Variants in BMP8B observed in about 807,000 individuals in gnomAD.
BMP8B encodes bone morphogenetic protein 8 (osteogenic protein 2).
A neutral mutation model predicts 30.3 loss-of-function variants in BMP8B; 17 were observed. The ratio of observed to expected loss-of-function variants is 0.56; its 90% CI spans 0.38 to 0.84. BMP8B has a LOEUF of 0.84. BMP8B is among the 40% of genes least tolerant of loss of function. The pLI is 0.00. For synonymous variants in BMP8B, 131 were observed against 214.7 expected, an observed-to-expected ratio of 0.61 and a Z score of 3.41; for missense variants, 253 against 494.6, an observed-to-expected ratio of 0.51 and a Z score of 4.63.
intron 1 of BMP8B, among the ~76,000 whole-genome samples, chr1:39,782,972 T>C (rs954940817): frequency 2.0e-5 from 3 of 151,974 alleles, no homozygotes; most frequent in Non-Finnish European, 4.4e-5. Flanking sequence ...TTTTTTTGCA[T>C]TTTTAGTAGA....
Position 39,788,017 on chromosome 1 carries a change from G to A in BMP8B, c.334+135C>T, listed in dbSNP as rs1651111047. 7.6e-7 allele frequency: 1 copy of A among 1,322,934 alleles called. No individual in the cohort carries two copies. The allele number at this position is 1,322,934 out of a possible 1,614,324, so 81.9% of individuals were successfully genotyped here. ...CCTTAGACCTTCCCTAACCACGGCG[G>A]TCCCACTCCCCTGTGGTTCGCGTCC... is the stretch of plus-strand genomic sequence containing the variant. On this transcript the variant is annotated intron_variant, in intron 1 of 6. Coordinates refer to ENST00000372827, the MANE Select transcript of BMP8B (RefSeq NM_001720.5). The surrounding 1 kb of genome is among the most constrained non-coding windows in gnomAD (Gnocchi z 5.8).
intron 3 of BMP8B, chr1:39,769,883 G>A: frequency 6.2e-7 from 1 of 1,609,006 alleles, no homozygotes; most frequent in Non-Finnish European, 8.5e-7. Context: ...CCGCTTCCCG[G>A]TCAGCGGCAT....
chr1:39,761,880 G>A (rs751977367), intron 6 of BMP8B, among the ~76,000 whole-genome samples: 4 of 152,248 alleles, frequency 2.6e-5, no homozygotes, highest in Admixed American at 6.5e-5. Flanking sequence ...CCCCTAGAGC[G>A]CAGCGCCTGT....
rs1328938623 is a variant in BMP8B at position 39,757,375 on chromosome 1, G to A, written c.*3044C>T. On this transcript the variant is annotated 3_prime_UTR_variant, in exon 7 of 7. Transcript: ENST00000372827. ...AATATCATACTCTACAAAGGAAGAA[G>A]CAGAACCAGGATTCAAATCTATTTG... 2.6e-5 allele frequency: 4 copies of A among 152,236 alleles called. No homozygotes were observed. The highest frequency in any genetic ancestry group is 9.6e-5 in the African/African-American group (4 of 41,466). The allele number at this position is 152,236 out of a possible 1,614,324, so 9.4% of individuals were successfully genotyped here.
At chr1:39,761,609 C>T (rs1648990344) in intron 6 of BMP8B, among the ~76,000 whole-genome samples, 1 of 152,146 alleles carries the variant, frequency 6.6e-6, no homozygotes, top group African/African-American at 2.4e-5. Flanking sequence ...TGTCACCTCC[C>T]TCCGCCCTCC....
intron 6 of BMP8B, among the ~76,000 whole-genome samples, chr1:39,760,961 C>G (rs1025271562): frequency 1.3e-5 from 2 of 152,046 alleles, no homozygotes; most frequent in African/African-American, 2.4e-5. Context: ...TTTGGCCCTT[C>G]GGACCCCCAG....
Position 39,788,659 on chromosome 1 carries a change from G to T in BMP8B, c.-174C>A. On this transcript the variant is annotated 5_prime_UTR_variant, in exon 1 of 7. Coordinates refer to ENST00000372827, the MANE Select transcript of BMP8B (RefSeq NM_001720.5). The surrounding 1 kb of genome is among the most constrained non-coding windows in gnomAD (Gnocchi z 5.8). ...CCTCAGCGCGGTCCCTGGAGCGCCC[G>T]CCGCGCGACACCTGTCCTGGCTCCT... 1 of 474,100 alleles carries T rather than the reference G, an allele frequency of 2.1e-6. No individual in the cohort carries two copies. Among genetic ancestry groups the T allele is most frequent in the Non-Finnish European group, 2.8e-6 (1 of 363,242 alleles). 29.4% of individuals were successfully genotyped at this position (474,100 alleles called of 1,614,324 possible). A position where few individuals can be genotyped will look rare whatever the true frequency, so the allele number is the denominator to read the frequency against.
chr1:39,757,293 A>G lies in BMP8B; in HGVS notation c.*3126T>C, dbSNP rs1648385261. The stretch of plus-strand genomic sequence containing the variant: ...ATTGTTAAGCATTTATATGTCAGAC[A>G]TCCCAAAGATTTGTGTACATATTTA... On this transcript the variant is annotated 3_prime_UTR_variant, in exon 7 of 7. Coordinates refer to ENST00000372827, the MANE Select transcript of BMP8B (RefSeq NM_001720.5). 6.6e-6 allele frequency: 1 copy of G among 152,270 alleles called. No individual in the cohort carries two copies. The highest frequency in any genetic ancestry group is 2.1e-4 in the South Asian group (1 of 4,838). 9.4% of individuals were successfully genotyped at this position (152,270 alleles called of 1,614,324 possible).
intron 3 of BMP8B, among the ~76,000 whole-genome samples, chr1:39,771,730 G>A (rs1423722802): frequency 6.8e-6 from 1 of 147,580 alleles, no homozygotes; most frequent in African/African-American, 2.5e-5. Flanking sequence ...GTGACAACCC[G>A]GAGAGTGAGT....
chr1:39,760,280 A>G lies in BMP8B; in HGVS notation c.*139T>C. The G allele has an allele frequency of 3.0e-6, 4 of 1,349,864 alleles. No homozygotes were observed. Among genetic ancestry groups the G allele is most frequent in the Non-Finnish European group, 4.0e-6 (4 of 1,001,732 alleles). The allele number at this position is 1,349,864 out of a possible 1,614,324, so 83.6% of individuals were successfully genotyped here. On this transcript the variant is annotated 3_prime_UTR_variant, in exon 7 of 7. Transcript: ENST00000372827. Reference sequence around the variant, plus strand: ...AGCATAGGAGCCTGGCATGAAGGAGAAAGGGTCATGTACGTGGTTGTGAGG... The same window carrying G: ...AGCATAGGAGCCTGGCATGAAGGAGGAAGGGTCATGTACGTGGTTGTGAGG...
At chr1:39,766,036 G>GA (rs112766961) in intron 3 of BMP8B, among the ~76,000 whole-genome samples, 27 of 149,598 alleles carry the variant, frequency 1.8e-4, no homozygotes, top group Middle Eastern at 3.4e-3. Flanking sequence ...TGTGTTTCAA[G>GA]AAAAAAAAAA....
chr1:39,782,510 C>T (rs1485306996), intron 1 of BMP8B, among the ~76,000 whole-genome samples: 1 of 151,880 alleles, frequency 6.6e-6, no homozygotes, highest in Non-Finnish European at 1.5e-5. Context: ...TCCTGTTGCT[C>T]AGGCTGGAGT....
At chr1:39,762,696 C>T in intron 6 of BMP8B, 1 of 1,476,134 alleles carries the variant, frequency 6.8e-7, no homozygotes, top group Admixed American at 2.6e-5. Context: ...GCACACATAT[C>T]ACGGGCGGTC....
In BMP8B at chr1:39,763,539, CA is replaced by C. The variant is rs113575841; in HGVS notation, c.948+172del. ...GTTTTAAAAAAAACAAAAAACTGAA[CA>C]AAAAAAAAACCCTTTCTCACCATAT... On this transcript the variant is annotated intron_variant, in intron 5 of 6. Coordinates refer to ENST00000372827, the MANE Select transcript of BMP8B (RefSeq NM_001720.5). 3.0e-3 allele frequency: 2,765 copies of C among 930,018 alleles called. 127 individuals carry two copies. Among genetic ancestry groups the C allele is most frequent in the African/African-American group, 0.019 (1,031 of 53,174 alleles). The allele number at this position is 930,018 out of a possible 1,614,324, so 57.6% of individuals were successfully genotyped here.
intron 1 of BMP8B, among the ~76,000 whole-genome samples, chr1:39,776,348 T>C (rs1027484164): frequency 2.0e-5 from 3 of 152,346 alleles, no homozygotes; most frequent in Non-Finnish European, 2.9e-5. Context: ...GAAATCTGTG[T>C]TTCCAGAAAG....
chr1:39,763,045 A>G lies in BMP8B; in HGVS notation c.1059+47T>C. The G allele has an allele frequency of 1.9e-6, 3 of 1,596,930 alleles. 1 individual carries two copies. Among genetic ancestry groups the G allele is most frequent in the East Asian group, 4.5e-5 (2 of 44,772 alleles). Reference sequence around the variant, plus strand: ...CCAGCTGGACCAGACCCCTCTCCACAGGGCCCCCCACCCCAGGGGGCTGGG... The same window carrying G: ...CCAGCTGGACCAGACCCCTCTCCACGGGGCCCCCCACCCCAGGGGGCTGGG... On this transcript the variant is annotated intron_variant, in intron 6 of 6. Coordinates refer to ENST00000372827, the MANE Select transcript of BMP8B (RefSeq NM_001720.5).
chr1:39,770,589 A>G (rs779183881), intron 3 of BMP8B: 1 of 1,600,080 alleles, frequency 6.2e-7, no homozygotes, highest in Non-Finnish European at 8.5e-7. Flanking sequence ...CTTCTCCTGA[A>G]GACCACGTTT....
At chr1:39,770,671 G>T in intron 3 of BMP8B, 1 of 1,445,664 alleles carries the variant, frequency 6.9e-7, no homozygotes, top group Non-Finnish European at 9.3e-7. Flanking sequence ...AAAGGAAGTG[G>T]TCGCCGTTGA....
intron 3 of BMP8B, among the ~76,000 whole-genome samples, chr1:39,766,996 G>A (rs1649660940): frequency 6.6e-6 from 1 of 152,278 alleles, no homozygotes; most frequent in South Asian, 2.1e-4. Context: ...GTGACTCCCT[G>A]GGGAGCCCTG....
Sources: allele counts gnomAD v4.1 joint callset (sites outside exome capture counted in the v4.1 genomes callset), GRCh38; gene constraint gnomAD v4.1.1; non-coding constraint Gnocchi (gnomAD v3.1); transcripts MANE v1.5; gene names NCBI Gene and HGNC (gene_info 2026-07-23, HGNC 2026-07-21).